Variants in SLC16A12 observed in about 807,000 individuals in gnomAD.
SLC16A12 encodes the protein monocarboxylate transporter 12.
SLC16A12 carries 17 observed loss-of-function variants against 42.4 expected under a neutral mutation model. The observed-to-expected ratio is 0.40, with a 90% confidence interval of 0.27 to 0.60. The LOEUF (loss-of-function observed/expected upper bound fraction) is 0.60. SLC16A12 is among the 20% of genes least tolerant of loss of function. SLC16A12 has a pLI of 0.42. For missense variants in SLC16A12, 544 were observed against 623.0 expected (o/e 0.87, Z 1.35); for synonymous variants, 224 against 229.4 (o/e 0.98, Z 0.21).
At chr10:89,445,777 G>C (rs966000627) in intron 3 of SLC16A12, among the ~76,000 whole-genome samples, 15 of 152,152 alleles carry the variant, frequency 9.9e-5, no homozygotes, top group Non-Finnish European at 1.9e-4. Context: ...ACAGAAGTAG[G>C]CTTCAGAAGG....
At chr10:89,438,426 T>C (rs1159031776) in intron 6 of SLC16A12, among the ~76,000 whole-genome samples, 178 bp downstream of exon 6, 2 of 152,200 alleles carry the variant, frequency 1.3e-5, no homozygotes, top group Non-Finnish European at 2.9e-5. Context: ...TATCTGTTCC[T>C]TTACAGAAAA....
chr10:89,527,887 GA>G (rs1235957546), intron 2 of SLC16A12, among the ~76,000 whole-genome samples: 1 of 151,744 alleles, frequency 6.6e-6, no homozygotes, highest in African/African-American at 2.4e-5. Context: ...TAAATCTTCA[GA>G]ATCTGTATCA....
At chr10:89,447,307 C>G (rs1320667344) in intron 3 of SLC16A12, among the ~76,000 whole-genome samples, 1 of 152,206 alleles carries the variant, frequency 6.6e-6, no homozygotes, top group Non-Finnish European at 1.5e-5. Flanking sequence ...AATATACATT[C>G]TTCTCAGTAC....
At chr10:89,436,804 G>GAGGAAGGAAGGAAGGAAGGA (rs72103752) in intron 6 of SLC16A12, among the ~76,000 whole-genome samples, 3,066 of 131,274 alleles carry the variant, frequency 0.023, 65 homozygotes, top group East Asian at 0.051. Flanking sequence ...GAAAGGAAAG[G>GAGGAAGGAAGGAAGGAAGGA]AGGAAGGAAG....
At chr10:89,433,425 T>A (rs190616772) in intron 7 of SLC16A12, 99 bp from the exon 8 acceptor site, 23 of 1,226,082 alleles carry the variant, frequency 1.9e-5, no homozygotes, top group Non-Finnish European at 1.2e-6. Flanking sequence ...AATAGATCGA[T>A]AGCACCACCA....
At chr10:89,556,156 A>G (rs1843814731) in intron 1 of SLC16A12, among the ~76,000 whole-genome samples, 1 of 152,174 alleles carries the variant, frequency 6.6e-6, no homozygotes. Context: ...CTACCCAGGC[A>G]CTGTGCTAAG....
intron 3 of SLC16A12, among the ~76,000 whole-genome samples, chr10:89,444,932 C>T (rs1841974663): frequency 6.6e-6 from 1 of 152,264 alleles, no homozygotes; most frequent in Non-Finnish European, 1.5e-5. Flanking sequence ...GCAAATGGCA[C>T]ACCAGGAGAT....
chr10:89,461,138 C>T (rs963011110), intron 3 of SLC16A12, among the ~76,000 whole-genome samples: 6 of 152,036 alleles, frequency 3.9e-5, no homozygotes, highest in East Asian at 1.9e-4. Context: ...ATGTAGATTT[C>T]GAATGCATAT....
At position 89,471,226 on chromosome 10, in the gene SLC16A12, T is replaced by C. The variant is rs755728133; in HGVS notation, c.-46-8602A>G. Reference sequence around the variant, plus strand: ...ATCAAGACAAAGAACATTTTTATCATCCCCAGACATTCCCTCATGCTCCCT... The same window carrying C: ...ATCAAGACAAAGAACATTTTTATCACCCCCAGACATTCCCTCATGCTCCCT... On this transcript the variant is annotated intron_variant, in intron 2 of 7. Transcript: ENST00000371790. 3.3e-4 allele frequency among the ~76,000 whole-genome samples: 50 copies of C among 152,188 alleles called. 1 individual carries two copies. The highest frequency in any genetic ancestry group is 4.1e-4 in the Non-Finnish European group (28 of 68,030).
intron 2 of SLC16A12, among the ~76,000 whole-genome samples, chr10:89,511,648 G>T (rs1444111757): frequency 1.3e-5 from 2 of 152,090 alleles, no homozygotes; most frequent in East Asian, 3.8e-4. Context: ...GAGTTGATGG[G>T]TGCAGCAAAC....
chr10:89,519,591 G>C (rs1353601189), intron 2 of SLC16A12, among the ~76,000 whole-genome samples: 1 of 151,986 alleles, frequency 6.6e-6, no homozygotes, highest in Non-Finnish European at 1.5e-5. Flanking sequence ...CTCACACCAG[G>C]GCGAGGATGA....
intron 3 of SLC16A12, among the ~76,000 whole-genome samples, chr10:89,451,328 C>A (rs1842093601): frequency 6.6e-6 from 1 of 152,100 alleles, no homozygotes; most frequent in Non-Finnish European, 1.5e-5. Flanking sequence ...GCAGGGCCGG[C>A]TTCATGGGAG....
intron 2 of SLC16A12, among the ~76,000 whole-genome samples, chr10:89,525,009 G>A (rs1843425408): frequency 6.6e-6 from 1 of 152,056 alleles, no homozygotes; most frequent in East Asian, 1.9e-4. Flanking sequence ...CCTGAACTCA[G>A]GAGTTTGCGA....
chr10:89,496,331 G>A (rs1241427936), intron 2 of SLC16A12, among the ~76,000 whole-genome samples: 1 of 152,056 alleles, frequency 6.6e-6, no homozygotes, highest in Non-Finnish European at 1.5e-5. Context: ...AAAAAAGAAT[G>A]CTTGGAATTA....
chr10:89,544,997 T>G (rs1843734746), intron 2 of SLC16A12, among the ~76,000 whole-genome samples: 1 of 152,224 alleles, frequency 6.6e-6, no homozygotes, highest in African/African-American at 2.4e-5. Context: ...GTGGGCCAAT[T>G]CTGAGTCTAG....
intron 2 of SLC16A12, among the ~76,000 whole-genome samples, chr10:89,480,014 G>C (rs926466179): frequency 6.6e-6 from 1 of 152,132 alleles, no homozygotes; most frequent in African/African-American, 2.4e-5. Context: ...GCTTATAAGA[G>C]GCCCTTTAGG....
At chr10:89,514,614 T>A (rs1843216784) in intron 2 of SLC16A12, among the ~76,000 whole-genome samples, 1 of 152,202 alleles carries the variant, frequency 6.6e-6, no homozygotes, top group South Asian at 2.1e-4. Flanking sequence ...AATTTCATCA[T>A]GAAGACTCCA....
At chr10:89,502,169 G>A (rs766270175) in intron 2 of SLC16A12, among the ~76,000 whole-genome samples, 9 of 152,028 alleles carry the variant, frequency 5.9e-5, no homozygotes, top group East Asian at 5.8e-4. Flanking sequence ...AGTGATGCCC[G>A]GCCGGGTGCG....
intron 2 of SLC16A12, among the ~76,000 whole-genome samples, chr10:89,509,174 G>A (rs559224976): frequency 6.6e-6 from 1 of 152,250 alleles, no homozygotes; most frequent in African/African-American, 2.4e-5. Flanking sequence ...TTATAAAGAG[G>A]AGCTGGTACC....
Sources: allele counts gnomAD v4.1 joint callset (sites outside exome capture counted in the v4.1 genomes callset), GRCh38; gene constraint gnomAD v4.1.1; transcripts MANE v1.5; gene names NCBI Gene and HGNC (gene_info 2026-07-23, HGNC 2026-07-21).